Variants in MAGI2 observed in about 807,000 individuals in gnomAD.
MAGI2 encodes the protein membrane-associated guanylate kinase, WW and PDZ domain-containing protein 2.
MAGI2 carries 35 observed loss-of-function variants against 133.3 expected under a neutral mutation model. The observed-to-expected ratio is 0.26, with a 90% confidence interval of 0.20 to 0.35. The LOEUF (loss-of-function observed/expected upper bound fraction) is 0.35. Among genes scored for constraint, MAGI2 ranks in the 10% least tolerant of loss-of-function variants. The pLI, the probability that MAGI2 is intolerant of heterozygous loss-of-function variation, is 1.00. For missense variants in MAGI2, 1,636 were observed against 1,863.4 expected (o/e 0.88, Z 2.25); for synonymous variants, 729 against 710.6 (o/e 1.03, Z -0.41).
chr7:78,722,278 A>T (rs575712528), intron 2 of MAGI2, among the ~76,000 whole-genome samples: 4 of 151,996 alleles, frequency 2.6e-5, no homozygotes, highest in Non-Finnish European at 5.9e-5. Flanking sequence ...AGTAAAACTA[A>T]AATTTGAACT....
intron 2 of MAGI2, among the ~76,000 whole-genome samples, chr7:78,786,859 G>C (rs188084134): frequency 1.9e-4 from 29 of 152,186 alleles, no homozygotes; most frequent in African/African-American, 7.0e-4. Flanking sequence ...AGTTGCTTCC[G>C]CTCACTTCTG....
intron 2 of MAGI2, among the ~76,000 whole-genome samples, chr7:78,684,731 G>GA (rs1289829229): frequency 4.1e-5 from 6 of 146,932 alleles, no homozygotes; most frequent in African/African-American, 1.0e-4. Context: ...CAGGAAAAAA[G>GA]AAAAAAAAGC....
At chr7:78,394,857 A>C (rs1315476742) in intron 6 of MAGI2, among the ~76,000 whole-genome samples, 1 of 152,232 alleles carries the variant, frequency 6.6e-6, no homozygotes, top group African/African-American at 2.4e-5. Flanking sequence ...GAATGGAAAG[A>C]GCACACATGA....
chr7:78,746,747 T>C (rs936236884), intron 2 of MAGI2, among the ~76,000 whole-genome samples: 2 of 152,210 alleles, frequency 1.3e-5, no homozygotes, highest in African/African-American at 4.8e-5. Flanking sequence ...TTTATACAGG[T>C]ATCAGGTTTT....
chr7:78,927,302 A>G (rs903003408), intron 2 of MAGI2, among the ~76,000 whole-genome samples: 1 of 152,012 alleles, frequency 6.6e-6, no homozygotes, highest in African/African-American at 2.4e-5. Flanking sequence ...AGTAAAATCA[A>G]AATACTAACC....
chr7:78,423,479 G>A (rs1453585581), intron 6 of MAGI2, among the ~76,000 whole-genome samples: 2 of 152,188 alleles, frequency 1.3e-5, no homozygotes, highest in East Asian at 3.8e-4. Context: ...TTGGTACTGA[G>A]GTTGGGGTAT....
intron 2 of MAGI2, among the ~76,000 whole-genome samples, chr7:78,816,300 C>T (rs1439250955): frequency 1.3e-5 from 2 of 152,164 alleles, no homozygotes; most frequent in Non-Finnish European, 2.9e-5. Flanking sequence ...AAGAAGCCAA[C>T]TTTATAACAT....
chr7:78,033,026 C>T lies in MAGI2; in HGVS notation c.3707-13050G>A, dbSNP rs144291656. On this transcript the variant is annotated intron_variant, in intron 21 of 21. Coordinates refer to ENST00000354212, the MANE Select transcript of MAGI2 (RefSeq NM_012301.4). ...AAATGGTATTTTAAAAGGCCAAACA[C>T]GGCTGCTGTGTGCAAAATAGATTGC... Among the ~76,000 whole-genome samples, 568 of 152,208 alleles carry T rather than the reference C, an allele frequency of 3.7e-3. 6 individuals carry two copies. Among genetic ancestry groups the T allele is most frequent in the East Asian group, 0.012 (63 of 5,178 alleles).
At chr7:78,437,160 C>G (rs1032080658) in intron 6 of MAGI2, among the ~76,000 whole-genome samples, 1 of 152,126 alleles carries the variant, frequency 6.6e-6, no homozygotes. Context: ...GCAGTGAGAA[C>G]ATTCTCGTGG....
At chr7:78,635,261 T>A (rs1318849184) in intron 2 of MAGI2, among the ~76,000 whole-genome samples, 2 of 152,232 alleles carry the variant, frequency 1.3e-5, no homozygotes, top group Non-Finnish European at 2.9e-5. Context: ...ATTAACCTAC[T>A]GTTTAAATGA....
chr7:78,626,434 T>C (rs950336759), intron 3 of MAGI2, among the ~76,000 whole-genome samples: 1 of 152,174 alleles, frequency 6.6e-6, no homozygotes, highest in African/African-American at 2.4e-5. Flanking sequence ...TGACATAAAC[T>C]GTTACTTAAT....
chr7:79,080,182 T>C (rs1815919108), intron 1 of MAGI2, among the ~76,000 whole-genome samples: 2 of 152,140 alleles, frequency 1.3e-5, no homozygotes, highest in African/African-American at 4.8e-5. Flanking sequence ...TGAATTAATG[T>C]TTTTATACAT....
chr7:79,219,792 T>C (rs1427468337), intron 1 of MAGI2, among the ~76,000 whole-genome samples: 2 of 152,046 alleles, frequency 1.3e-5, no homozygotes, highest in South Asian at 2.1e-4. Context: ...AATACTGCCA[T>C]CTGCATAGGC....
intron 9 of MAGI2, among the ~76,000 whole-genome samples, chr7:78,337,294 G>C (rs1789870953): frequency 6.6e-6 from 1 of 152,166 alleles, no homozygotes; most frequent in South Asian, 2.1e-4. Flanking sequence ...AACATCATAG[G>C]ATCATCAGGG....
In MAGI2 at chr7:78,607,512, AAAG is replaced by A. The variant is rs751469135; in HGVS notation, c.538+19605_538+19607del. Among the ~76,000 whole-genome samples the A allele has an allele frequency of 3.5e-3, 538 of 152,014 alleles. 2 individuals are homozygous for A. Among genetic ancestry groups the A allele is most frequent in the South Asian group, 0.011 (54 of 4,808 alleles). On this transcript the variant is annotated intron_variant, in intron 3 of 21. Coordinates refer to ENST00000354212, the MANE Select transcript of MAGI2 (RefSeq NM_012301.4). ...GAAGTCAAACTTAAAAAAAAAAAAA[AAAG>A]AGAGTCTCTGTAAAATGTACTGCAT...
At chr7:78,669,463 T>A (rs375308813) in intron 2 of MAGI2, among the ~76,000 whole-genome samples, 1 of 152,098 alleles carries the variant, frequency 6.6e-6, no homozygotes. Context: ...CAGGACCAGA[T>A]GGATTCACAG....
At chr7:78,989,941 C>T (rs905404776) in intron 2 of MAGI2, among the ~76,000 whole-genome samples, 5 of 152,026 alleles carry the variant, frequency 3.3e-5, no homozygotes, top group Non-Finnish European at 7.4e-5. Flanking sequence ...TCGCTCAACT[C>T]TTAAGGATGA....
intron 10 of MAGI2, among the ~76,000 whole-genome samples, chr7:78,202,975 A>G (rs1467273187): frequency 6.6e-6 from 1 of 152,246 alleles, no homozygotes; most frequent in Non-Finnish European, 1.5e-5. Flanking sequence ...GACTCATTCT[A>G]TAAAATACCA....
At chr7:78,932,281 A>G (rs1417434323) in intron 2 of MAGI2, among the ~76,000 whole-genome samples, 1 of 152,102 alleles carries the variant, frequency 6.6e-6, no homozygotes, top group Admixed American at 6.6e-5. Flanking sequence ...AATGTCAAAA[A>G]GGCCTGCAGA....
Sources: gnomAD v4.1 joint callset for allele counts (sites outside exome capture counted in the v4.1 genomes callset) on GRCh38, gnomAD v4.1.1 for gene constraint, MANE v1.5 for transcripts, NCBI Gene and HGNC (gene_info 2026-07-23, HGNC 2026-07-21) for gene names.